Variants in CCSER1 observed in about 807,000 individuals in gnomAD.
The protein encoded by CCSER1 is serine-rich coiled-coil domain-containing protein 1.
Under a neutral mutation model 82.0 loss-of-function variants are expected in CCSER1, and 41 were observed. That is an observed-to-expected ratio of 0.50 (90% CI 0.39 to 0.65). CCSER1 has a LOEUF of 0.65. Among genes scored for constraint, CCSER1 ranks in the 30% least tolerant of loss-of-function variants. The probability of loss-of-function intolerance (pLI) is 0.00; values close to 1 mark genes in which losing one functional copy is unlikely to be tolerated. For synonymous variants in CCSER1, 414 were observed against 383.9 expected (o/e 1.08, Z -0.92); for missense variants, 1,119 against 1,064.2 (o/e 1.05, Z -0.72).
At chr4:90,688,259 G>C (rs932147582) in intron 6 of CCSER1, among the ~76,000 whole-genome samples, 6 of 151,996 alleles carry the variant, frequency 3.9e-5, no homozygotes, top group African/African-American at 1.2e-4. Flanking sequence ...ATACCCTTAT[G>C]CATTCTGTAT....
At chr4:90,566,167 C>G (rs1449627439) in intron 5 of CCSER1, among the ~76,000 whole-genome samples, 4 of 151,532 alleles carry the variant, frequency 2.6e-5, no homozygotes, top group Non-Finnish European at 1.5e-5. Context: ...CACAAATGAT[C>G]TTTTTAATGT....
chr4:91,154,372 A>T lies in CCSER1; in HGVS notation c.2217+68378A>T, dbSNP rs1023307114. Reference sequence around the variant, plus strand: ...AAGACCGTGGGAAAAGTGCAGTATTACTGTGGGAGTGACCTGAATTTCCTG... The same window carrying T: ...AAGACCGTGGGAAAAGTGCAGTATTTCTGTGGGAGTGACCTGAATTTCCTG... On this transcript the variant is annotated intron_variant, in intron 10 of 10. Transcript: ENST00000509176. Among the ~76,000 whole-genome samples, 6 of 152,026 alleles carry T rather than the reference A, an allele frequency of 3.9e-5. No homozygotes were observed. In the South Asian group the frequency reaches 1.2e-3, roughly 32 times the overall value.
At chr4:91,441,134 T>C (rs1429520282) in intron 10 of CCSER1, among the ~76,000 whole-genome samples, 2 of 152,118 alleles carry the variant, frequency 1.3e-5, no homozygotes, top group African/African-American at 4.8e-5. Flanking sequence ...GCCAGGATCA[T>C]CCTTATACCA....
intron 1 of CCSER1, among the ~76,000 whole-genome samples, chr4:90,192,334 A>G (rs1255451322): frequency 6.6e-6 from 1 of 152,000 alleles, no homozygotes; most frequent in African/African-American, 2.4e-5. Flanking sequence ...CTCCCACAAC[A>G]CGTGGGAATT....
At chr4:90,432,879 A>G (rs187207699) in intron 4 of CCSER1, among the ~76,000 whole-genome samples, 1 of 152,108 alleles carries the variant, frequency 6.6e-6, no homozygotes, top group Non-Finnish European at 1.5e-5. Flanking sequence ...CTGGGGAAGT[A>G]TATTCTTCTG....
chr4:91,148,461 CCAGA>C (rs1729766465), intron 10 of CCSER1, among the ~76,000 whole-genome samples: 2 of 151,122 alleles, frequency 1.3e-5, no homozygotes, highest in African/African-American at 4.9e-5. Flanking sequence ...TTACTAAGTA[CCAGA>C]CATTCTTATT....
At chr4:91,095,817 C>A (rs1724453771) in intron 10 of CCSER1, among the ~76,000 whole-genome samples, 1 of 151,902 alleles carries the variant, frequency 6.6e-6, no homozygotes, top group South Asian at 2.1e-4. Flanking sequence ...CATATCTGGT[C>A]CTTCATTTGG....
At chr4:91,003,919 C>G (rs1581311357) in intron 9 of CCSER1, among the ~76,000 whole-genome samples, 1 of 152,296 alleles carries the variant, frequency 6.6e-6, no homozygotes, top group African/African-American at 2.4e-5. Context: ...TCTACTTCTG[C>G]ATTTCACTTG....
chr4:90,566,338 GT>G (rs1398793119), intron 5 of CCSER1, among the ~76,000 whole-genome samples: 5 of 151,418 alleles, frequency 3.3e-5, no homozygotes, highest in South Asian at 2.1e-4. Flanking sequence ...TTCCTCTTCT[GT>G]TTTTTGGATG....
intron 10 of CCSER1, among the ~76,000 whole-genome samples, chr4:91,455,329 AT>A (rs1398700778): frequency 2.0e-5 from 3 of 152,044 alleles, no homozygotes; most frequent in African/African-American, 7.2e-5. Context: ...AAAAATTCAT[AT>A]TTTTGGAACT....
intron 5 of CCSER1, among the ~76,000 whole-genome samples, chr4:90,563,076 T>G (rs1375085744): frequency 6.6e-6 from 1 of 152,036 alleles, no homozygotes; most frequent in Non-Finnish European, 1.5e-5. Flanking sequence ...ATAATTTTAT[T>G]TCATTATTTT....
intron 10 of CCSER1, among the ~76,000 whole-genome samples, chr4:91,374,947 G>T (rs1750300758): frequency 6.6e-6 from 1 of 152,158 alleles, no homozygotes; most frequent in African/African-American, 2.4e-5. Flanking sequence ...AGTGAGCTGA[G>T]ATCATCTCAT....
At chr4:91,343,838 T>G (rs1442702718) in intron 10 of CCSER1, among the ~76,000 whole-genome samples, 1 of 152,180 alleles carries the variant, frequency 6.6e-6, no homozygotes, top group Admixed American at 6.5e-5. Context: ...ATGACTATAG[T>G]CTATAGCAAG....
At chr4:90,180,993 A>T (rs554654960) in intron 1 of CCSER1, among the ~76,000 whole-genome samples, 1 of 152,336 alleles carries the variant, frequency 6.6e-6, no homozygotes, top group South Asian at 2.1e-4. Flanking sequence ...ATATATATAT[A>T]TAATGAGCAT....
At chr4:90,349,053 C>A (rs765126246) in intron 3 of CCSER1, among the ~76,000 whole-genome samples, 25 of 151,924 alleles carry the variant, frequency 1.6e-4, no homozygotes, top group Non-Finnish European at 2.6e-4. Flanking sequence ...CTAATGGGGT[C>A]CCTCCTAACA....
chr4:90,860,321 T>C (rs891482298), intron 8 of CCSER1, among the ~76,000 whole-genome samples: 3 of 151,384 alleles, frequency 2.0e-5, no homozygotes, highest in African/African-American at 7.3e-5. Flanking sequence ...TGACACCCAC[T>C]AGGATGGCTT....
At chr4:90,973,452 T>C (rs10016048) in intron 9 of CCSER1, among the ~76,000 whole-genome samples, 112,486 of 151,474 alleles carry the variant, frequency 0.74, 42,026 homozygotes, top group Non-Finnish European at 0.78. Context: ...CAATCATAAG[T>C]ACAATGAGTT....
intron 10 of CCSER1, among the ~76,000 whole-genome samples, chr4:91,267,264 C>T (rs1019722893): frequency 4.6e-5 from 7 of 152,076 alleles, no homozygotes; most frequent in African/African-American, 1.7e-4. Context: ...TTCAATTCAT[C>T]TCTTAGTTCT....
chr4:91,547,967 G>C (rs1289663533), intron 10 of CCSER1, among the ~76,000 whole-genome samples: 2 of 152,094 alleles, frequency 1.3e-5, no homozygotes, highest in African/African-American at 4.8e-5. Flanking sequence ...ATTTTTAGTA[G>C]AGATGGGGTT....
Sources: gnomAD v4.1 joint callset for allele counts (sites outside exome capture counted in the v4.1 genomes callset) on GRCh38, gnomAD v4.1.1 for gene constraint, MANE v1.5 for transcripts, NCBI Gene and HGNC (gene_info 2026-07-23, HGNC 2026-07-21) for gene names.